The following STX8 variants were observed in gnomAD, a reference collection of about 807,000 sequenced individuals.
STX8 encodes the protein syntaxin 8, also known as syntaxin-8.
Under a neutral mutation model 37.5 loss-of-function variants are expected in STX8, and 23 were observed. That is an observed-to-expected ratio of 0.61 (90% CI 0.44 to 0.87). The LOEUF (loss-of-function observed/expected upper bound fraction) is 0.87. STX8 is among the 40% of genes least tolerant of loss of function. The probability of loss-of-function intolerance (pLI) is 0.00; values close to 1 mark genes in which losing one functional copy is unlikely to be tolerated. For missense variants in STX8, 313 were observed against 284.7 expected (o/e 1.10, Z -0.71); for synonymous variants, 115 against 99.1 (o/e 1.16, Z -0.95).
intron 2 of STX8, among the ~76,000 whole-genome samples, chr17:9,562,369 G>A (rs1366389138): frequency 1.3e-5 from 2 of 150,282 alleles, no homozygotes; most frequent in Non-Finnish European, 1.5e-5. Context: ...TCGCGCCACC[G>A]CACTCCAGCC....
At chr17:9,293,408 A>C (rs1161068525) in intron 7 of STX8, among the ~76,000 whole-genome samples, 1 of 152,098 alleles carries the variant, frequency 6.6e-6, no homozygotes, top group Non-Finnish European at 1.5e-5. Context: ...CTTCCTGGGG[A>C]AGTCATCCCC....
At chr17:9,451,348 C>T (rs1287776268) in intron 6 of STX8, among the ~76,000 whole-genome samples, 1 of 152,112 alleles carries the variant, frequency 6.6e-6, no homozygotes, top group Non-Finnish European at 1.5e-5. Flanking sequence ...TGATCTACGG[C>T]GACAGACATC....
chr17:9,428,098 G>C (rs1034785246), intron 6 of STX8, among the ~76,000 whole-genome samples: 1 of 152,166 alleles, frequency 6.6e-6, no homozygotes, highest in Non-Finnish European at 1.5e-5. Context: ...GGTTAGAGAA[G>C]GCCCTTTCCA....
intron 7 of STX8, among the ~76,000 whole-genome samples, chr17:9,288,835 T>G (rs1253071648): frequency 6.6e-6 from 1 of 151,592 alleles, no homozygotes; most frequent in African/African-American, 2.4e-5. Context: ...AATTAAGGGG[T>G]GCAGCAGAAG....
intron 6 of STX8, among the ~76,000 whole-genome samples, chr17:9,414,096 A>ACCCACATACCCATCTG (rs1913084703): frequency 1.5e-4 from 1 of 6,474 alleles, no homozygotes; most frequent in Non-Finnish European, 3.4e-4. Context: ...CCATCCATCC[A>ACCCACATACCCATCTG]TCCATCCATC....
chr17:9,487,161 T>C (rs997120774), intron 6 of STX8, among the ~76,000 whole-genome samples: 1 of 152,186 alleles, frequency 6.6e-6, no homozygotes, highest in African/African-American at 2.4e-5. Flanking sequence ...AGAAACTGAA[T>C]TCCAAAACTG....
At chr17:9,289,111 T>C (rs1001776419) in intron 7 of STX8, among the ~76,000 whole-genome samples, 8 of 152,206 alleles carry the variant, frequency 5.3e-5, no homozygotes, top group Non-Finnish European at 1.0e-4. Context: ...CGGAAGCTAG[T>C]AGTCAAGGCA....
intron 7 of STX8, among the ~76,000 whole-genome samples, 154 bp from the exon 8 acceptor site, chr17:9,250,799 CGCT>C (rs200293848): frequency 0.012 from 1,746 of 151,468 alleles, 32 homozygotes; most frequent in African/African-American, 0.039. Flanking sequence ...CCTGGGGCGC[CGCT>C]GCTGCTACAC....
intron 6 of STX8, among the ~76,000 whole-genome samples, chr17:9,424,163 CCCCT>C (rs957798828): frequency 6.6e-6 from 1 of 152,084 alleles, no homozygotes; most frequent in Non-Finnish European, 1.5e-5. Context: ...GCTGGGCGAC[CCCCT>C]AAGATATGAA....
At chr17:9,575,727 G>A in intron 1 of STX8, 65 bp downstream of exon 1, 2 of 1,537,034 alleles carry the variant, frequency 1.3e-6, no homozygotes, top group Non-Finnish European at 1.8e-6. Context: ...GTGATTGCCT[G>A]CTCTCCGGAA....
intron 7 of STX8, among the ~76,000 whole-genome samples, chr17:9,251,279 C>T (rs770152590): frequency 6.6e-6 from 1 of 152,208 alleles, no homozygotes; most frequent in Non-Finnish European, 1.5e-5. Context: ...TCCTCTGGGT[C>T]GTGTGTCTGC....
intron 7 of STX8, among the ~76,000 whole-genome samples, chr17:9,306,216 G>A (rs781217641): frequency 1.3e-5 from 2 of 152,110 alleles, no homozygotes; most frequent in Non-Finnish European, 2.9e-5. Context: ...GTGTGTAGTA[G>A]GCTATGTCAT....
At chr17:9,556,918 T>G (rs1907004177) in intron 3 of STX8, 1 of 152,692 alleles carries the variant, frequency 6.5e-6, no homozygotes, top group Admixed American at 6.5e-5. Context: ...AGGCAGTGTC[T>G]GTGCCTCTGG....
intron 7 of STX8, among the ~76,000 whole-genome samples, chr17:9,329,676 A>C (rs1264358200): frequency 6.6e-6 from 1 of 152,250 alleles, no homozygotes; most frequent in Non-Finnish European, 1.5e-5. Context: ...CGGACCACTC[A>C]GGCCGTTGCA....
At chr17:9,292,265 T>C (rs2142165127) in intron 7 of STX8, among the ~76,000 whole-genome samples, 1 of 152,346 alleles carries the variant, frequency 6.6e-6, no homozygotes, top group Middle Eastern at 3.4e-3. Context: ...AAAGGCATCC[T>C]GGAAGTCAGT....
chr17:9,426,348 G>A (rs1439862385), intron 6 of STX8, among the ~76,000 whole-genome samples: 1 of 152,092 alleles, frequency 6.6e-6, no homozygotes, highest in South Asian at 2.1e-4. Flanking sequence ...CCAACATGGC[G>A]AAACCCTGTC....
intron 7 of STX8, among the ~76,000 whole-genome samples, chr17:9,370,408 C>T (rs1467145725): frequency 2.0e-5 from 3 of 152,120 alleles, no homozygotes; most frequent in African/African-American, 7.2e-5. Flanking sequence ...CTCTAAGTCA[C>T]CCAGGCTGTA....
intron 7 of STX8, among the ~76,000 whole-genome samples, chr17:9,279,245 C>T (rs1468101602): frequency 6.6e-6 from 1 of 151,950 alleles, no homozygotes; most frequent in Non-Finnish European, 1.5e-5. Context: ...TTAGTAGAGA[C>T]AGGGTTTCAC....
At chr17:9,530,259 C>T (rs999863760) in intron 4 of STX8, among the ~76,000 whole-genome samples, 2 of 149,366 alleles carry the variant, frequency 1.3e-5, no homozygotes, top group Non-Finnish European at 3.0e-5. Context: ...TGCAGTGAGC[C>T]GAGATCGCGC....
Sources: gnomAD v4.1 joint callset for allele counts (sites outside exome capture counted in the v4.1 genomes callset) on GRCh38, gnomAD v4.1.1 for gene constraint, MANE v1.5 for transcripts, NCBI Gene and HGNC (gene_info 2026-07-23, HGNC 2026-07-21) for gene names.